The following SHOC2 variants were observed in gnomAD, a reference collection of about 807,000 sequenced individuals.
SHOC2 encodes the protein SHOC2 leucine rich repeat scaffold protein.
SHOC2 carries 4 observed loss-of-function variants against 50.2 expected under a neutral mutation model. That is an observed-to-expected ratio of 0.08 (90% CI 0.04 to 0.18). The LOEUF (loss-of-function observed/expected upper bound fraction) is 0.18, where lower values mean the gene tolerates loss of function less well. Among genes scored for constraint, SHOC2 ranks in the 10% least tolerant of loss-of-function variants. The probability of loss-of-function intolerance (pLI) is 1.00; values close to 1 mark genes in which losing one functional copy is unlikely to be tolerated. For synonymous variants in SHOC2, 218 were observed against 244.5 expected (o/e 0.89, Z 1.01); for missense variants, 388 against 669.6 (o/e 0.58, Z 4.64).
At chr10:110,920,877 A>G (rs1359358987) in intron 1 of SHOC2, among the ~76,000 whole-genome samples, 1 of 152,192 alleles carries the variant, frequency 6.6e-6, no homozygotes, top group African/African-American at 2.4e-5. Context: ...CACCTGTGCC[A>G]TTTCGTATAC....
At chr10:110,993,267 G>T (rs1367243569) in intron 3 of SHOC2, among the ~76,000 whole-genome samples, 1 of 152,192 alleles carries the variant, frequency 6.6e-6, no homozygotes, top group Non-Finnish European at 1.5e-5. Context: ...AGTTTAGTTT[G>T]TGGTTAAAAC....
At chr10:111,006,250 G>C (rs1350662049) in intron 5 of SHOC2, among the ~76,000 whole-genome samples, 2 of 152,208 alleles carry the variant, frequency 1.3e-5, no homozygotes, top group Admixed American at 1.3e-4. Context: ...TAGATAACAA[G>C]TTTAAATATT....
chr10:110,940,798 G>A (rs558122073), intron 1 of SHOC2, among the ~76,000 whole-genome samples: 4 of 151,046 alleles, frequency 2.6e-5, no homozygotes, highest in Admixed American at 1.3e-4. Flanking sequence ...ATTGGTATAC[G>A]TTTTTTAGAA....
Position 110,995,627 on chromosome 10 carries a change from TG to T in SHOC2, c.842-4786del, listed in dbSNP as rs1462424988. ...GTGACAAGTTACTTCACAAATGTTATGGTAAAGTCCCTGCTGATTACCCTCA... is the reference window on the plus strand; with the variant it reads ...GTGACAAGTTACTTCACAAATGTTATGTAAAGTCCCTGCTGATTACCCTCA... On this transcript the variant is annotated intron_variant, in intron 3 of 8. Transcript: ENST00000369452. 3.3e-5 allele frequency among the ~76,000 whole-genome samples: 5 copies of T among 152,342 alleles called. No individual in the cohort carries two copies. In the East Asian group the frequency reaches 7.7e-4, roughly 24 times the overall value.
At chr10:110,930,859 C>T (rs1310340391) in intron 1 of SHOC2, among the ~76,000 whole-genome samples, 1 of 150,808 alleles carries the variant, frequency 6.6e-6, no homozygotes, top group Non-Finnish European at 1.5e-5. Flanking sequence ...TCCCCTCTTC[C>T]CTATCCTGCC....
intron 3 of SHOC2, among the ~76,000 whole-genome samples, chr10:110,998,942 TA>T (rs1848317503): frequency 6.6e-6 from 1 of 152,252 alleles, no homozygotes; most frequent in Admixed American, 6.5e-5. Flanking sequence ...TGCTATAGAC[TA>T]ATGTATGTTT....
At chr10:110,940,860 C>G (rs1847123699) in intron 1 of SHOC2, among the ~76,000 whole-genome samples, 1 of 149,792 alleles carries the variant, frequency 6.7e-6, no homozygotes, top group Admixed American at 6.6e-5. Context: ...AGATTGACCA[C>G]ACACATTTGT....
At chr10:111,009,182 C>A in intron 6 of SHOC2, 66 bp from the exon 7 acceptor site, 2 of 1,116,702 alleles carry the variant, frequency 1.8e-6, no homozygotes, top group Non-Finnish European at 2.7e-6. Flanking sequence ...AGATTTTAAG[C>A]CACACAATGA....
chr10:110,982,414 C>T (rs1190242131), intron 2 of SHOC2, among the ~76,000 whole-genome samples: 1 of 151,750 alleles, frequency 6.6e-6, no homozygotes, highest in Non-Finnish European at 1.5e-5. Flanking sequence ...AGTTCTAGAT[C>T]CCTGAGGAAT....
intron 2 of SHOC2, among the ~76,000 whole-genome samples, chr10:110,978,413 C>T (rs192608605): frequency 2.2e-4 from 33 of 152,216 alleles, no homozygotes; most frequent in East Asian, 1.9e-3. Flanking sequence ...TCACCTTGAC[C>T]GTAGAGACTT....
At chr10:110,929,295 A>G (rs1448406031) in intron 1 of SHOC2, among the ~76,000 whole-genome samples, 1 of 152,222 alleles carries the variant, frequency 6.6e-6, no homozygotes, top group African/African-American at 2.4e-5. Flanking sequence ...AAGAGCAACT[A>G]AGAATCACTA....
chr10:110,961,299 A>G (rs1185265111), intron 1 of SHOC2, among the ~76,000 whole-genome samples: 1 of 152,214 alleles, frequency 6.6e-6, no homozygotes, highest in Non-Finnish European at 1.5e-5. Flanking sequence ...AAAAACAACT[A>G]TTAAATAAAT....
intron 3 of SHOC2, among the ~76,000 whole-genome samples, chr10:110,997,572 T>C (rs1276373534): frequency 6.6e-6 from 1 of 152,154 alleles, no homozygotes; most frequent in Admixed American, 6.5e-5. Flanking sequence ...GTCTTTCACA[T>C]CTTAAAACTT....
At chr10:110,936,549 C>T (rs1290542857) in intron 1 of SHOC2, 8 of 640,160 alleles carry the variant, frequency 1.2e-5, no homozygotes, top group Admixed American at 3.0e-5. Flanking sequence ...GATTAGTCTG[C>T]ATCAGCTTTT....
intron 1 of SHOC2, among the ~76,000 whole-genome samples, chr10:110,962,393 T>A (rs1249563299): frequency 6.6e-6 from 1 of 152,196 alleles, no homozygotes; most frequent in Non-Finnish European, 1.5e-5. Flanking sequence ...TATTGGCTTA[T>A]CAGCATTATT....
chr10:110,937,591 A>G (rs994630845), intron 1 of SHOC2, among the ~76,000 whole-genome samples: 1 of 152,162 alleles, frequency 6.6e-6, no homozygotes, highest in Non-Finnish European at 1.5e-5. Flanking sequence ...TTAAGAGGAA[A>G]AGAGGGGACC....
chr10:110,983,419 A>T (rs1251491564), intron 2 of SHOC2, among the ~76,000 whole-genome samples: 1 of 152,018 alleles, frequency 6.6e-6, no homozygotes, highest in Admixed American at 6.6e-5. Flanking sequence ...TACTGATTTG[A>T]GATCCTGCCT....
chr10:110,937,084 G>A, intron 1 of SHOC2: 1 of 1,473,914 alleles, frequency 6.8e-7, no homozygotes, highest in South Asian at 1.1e-5. Flanking sequence ...ACTTCAACTT[G>A]TTTCTGTAGA....
intron 1 of SHOC2, among the ~76,000 whole-genome samples, chr10:110,962,478 T>G (rs534071033): frequency 3.3e-5 from 5 of 152,196 alleles, no homozygotes; most frequent in Non-Finnish European, 7.3e-5. Context: ...TCTTTTTTTT[T>G]GAAAGGGTTG....
Sources: gnomAD v4.1 joint callset for allele counts (sites outside exome capture counted in the v4.1 genomes callset) on GRCh38, gnomAD v4.1.1 for gene constraint, MANE v1.5 for transcripts, NCBI Gene and HGNC (gene_info 2026-07-23, HGNC 2026-07-21) for gene names.